Variants in LTBP1 observed in about 807,000 individuals in gnomAD.
LTBP1 encodes latent transforming growth factor beta binding protein 1, also known as latent-transforming growth factor beta-binding protein 1.
LTBP1 carries 129 observed loss-of-function variants against 207.6 expected under a neutral mutation model. That is an observed-to-expected ratio of 0.62 (90% CI 0.54 to 0.72). The LOEUF is 0.72. Ranked by LOEUF, LTBP1 falls within the 30% of genes least tolerant of loss-of-function variation. The pLI is 0.00. For missense variants in LTBP1, 2,281 were observed against 2,217.2 expected (o/e 1.03, Z -0.58); for synonymous variants, 963 against 833.7 (o/e 1.16, Z -2.67).
intron 26 of LTBP1, among the ~76,000 whole-genome samples, chr2:33,354,553 A>G (rs1388678056): frequency 2.0e-5 from 3 of 152,124 alleles, no homozygotes; most frequent in Non-Finnish European, 1.5e-5. Flanking sequence ...TTTTGGTATA[A>G]AAGCCAAACT....
intron 5 of LTBP1, 53 bp downstream of exon 5, chr2:33,135,013 T>G (rs887181806): frequency 6.0e-6 from 9 of 1,505,664 alleles, no homozygotes; most frequent in Non-Finnish European, 6.2e-6. Flanking sequence ...TTTTATGAGA[T>G]TGTAGCATTT....
At position 33,141,874 on chromosome 2, in the gene LTBP1, C is replaced by CA. The variant is rs200386865; in HGVS notation, c.1201+6917dup. ...ATCGACCTGCTTTGTATCAGGGAAT[C>CA]AAATTAATATCTGCAGATAAAGAGC... On this transcript the variant is annotated intron_variant, in intron 5 of 33. Transcript: ENST00000404816. 5.9e-4 allele frequency among the ~76,000 whole-genome samples: 90 copies of CA among 152,166 alleles called. 1 individual carries two copies. In the East Asian group the frequency reaches 0.015, roughly 25 times the overall value.
chr2:32,991,335 A>C (rs944712027), intron 2 of LTBP1, among the ~76,000 whole-genome samples: 12 of 152,238 alleles, frequency 7.9e-5, no homozygotes, highest in African/African-American at 2.9e-4. Context: ...ACTTGTAAAT[A>C]AACTGTCATG....
intron 31 of LTBP1, among the ~76,000 whole-genome samples, chr2:33,366,380 A>C (rs993408009): frequency 1.3e-5 from 2 of 152,254 alleles, no homozygotes; most frequent in African/African-American, 4.8e-5. Context: ...GAGGAAATGC[A>C]TTAATTTTTA....
intron 7 of LTBP1, among the ~76,000 whole-genome samples, chr2:33,201,659 A>G (rs903529456): frequency 1.3e-5 from 2 of 152,202 alleles, no homozygotes; most frequent in African/African-American, 2.4e-5. Flanking sequence ...AGAAAAAAAA[A>G]GAAACAAACT....
intron 3 of LTBP1, among the ~76,000 whole-genome samples, chr2:33,043,279 T>C (rs1393105854): frequency 6.6e-6 from 1 of 152,244 alleles, no homozygotes; most frequent in African/African-American, 2.4e-5. Context: ...TTTGATTCTC[T>C]TCCTGACATA....
chr2:33,342,615 A>G (rs2094642203), intron 24 of LTBP1, among the ~76,000 whole-genome samples: 1 of 152,206 alleles, frequency 6.6e-6, no homozygotes, highest in Non-Finnish European at 1.5e-5. Context: ...AAAAGTACTA[A>G]ATGTTTTTTT....
chr2:33,177,979 C>T (rs1572999674), intron 5 of LTBP1, among the ~76,000 whole-genome samples: 1 of 152,178 alleles, frequency 6.6e-6, no homozygotes, highest in East Asian at 1.9e-4. Context: ...CCTCTGTACC[C>T]CCTGCAAGTG....
At chr2:33,375,797 C>T (rs950285323) in intron 31 of LTBP1, among the ~76,000 whole-genome samples, 1 of 151,602 alleles carries the variant, frequency 6.6e-6, no homozygotes, top group Non-Finnish European at 1.5e-5. Context: ...CCGCCTCGGC[C>T]TCCCAAAGTG....
At chr2:33,389,335 A>G (rs781603789) in intron 32 of LTBP1, 29 bp downstream of exon 32, 4 of 1,612,872 alleles carry the variant, frequency 2.5e-6, no homozygotes, top group Non-Finnish European at 3.4e-6. Flanking sequence ...TTCCTTTGAT[A>G]CTAAGTTGTG....
At chr2:33,203,242 C>T (rs1021469923) in intron 7 of LTBP1, among the ~76,000 whole-genome samples, 11 of 152,130 alleles carry the variant, frequency 7.2e-5, no homozygotes, top group Non-Finnish European at 1.3e-4. Context: ...TTGACTTTCG[C>T]GCAGGGGCCC....
intron 5 of LTBP1, among the ~76,000 whole-genome samples, chr2:33,139,506 T>G (rs900517615): frequency 3.9e-5 from 6 of 152,136 alleles, no homozygotes; most frequent in African/African-American, 1.4e-4. Context: ...AGAAGGGAAA[T>G]ACCACTTCTA....
intron 3 of LTBP1, among the ~76,000 whole-genome samples, chr2:33,088,400 C>T (rs218176): frequency 0.46 from 69,485 of 151,742 alleles, 17,936 homozygotes; most frequent in East Asian, 0.64. Context: ...TGCGGTGAGC[C>T]GAGATCATGC....
rs1219527688 is a variant in LTBP1 at position 33,277,760 on chromosome 2, C to CTTTCTTTCTTT, written c.2992+1837_2992+1838insTTTCTTTCTTT. Among the ~76,000 whole-genome samples, 92 of 95,448 alleles carry CTTTCTTTCTTT rather than the reference C, an allele frequency of 9.6e-4. 1 individual carries two copies. The highest frequency in any genetic ancestry group is 1.6e-3 in the Non-Finnish European group (81 of 50,414). 62.6% of individuals were successfully genotyped at this position (95,448 alleles called of 152,430 possible). On this transcript the variant is annotated intron_variant, in intron 18 of 33. Transcript: ENST00000404816. ...GAAGTCAAATACTGATTTTTTTTTCCCTTTCTTTCTTTCTTTCTTTCTTTC... is the reference window on the plus strand; with the variant it reads ...GAAGTCAAATACTGATTTTTTTTTCCTTTCTTTCTTTCTTTCTTTCTTTCTTTCTTTCTTTC...
chr2:33,211,248 T>C (rs1182211253), intron 7 of LTBP1, among the ~76,000 whole-genome samples: 1 of 152,188 alleles, frequency 6.6e-6, no homozygotes, highest in Admixed American at 6.5e-5. Context: ...AATAAATGTG[T>C]CCTGAGAGTT....
chr2:33,189,752 G>A (rs973937193), intron 7 of LTBP1, among the ~76,000 whole-genome samples: 2 of 152,120 alleles, frequency 1.3e-5, no homozygotes, highest in African/African-American at 4.8e-5. Flanking sequence ...CAGGCCGGGT[G>A]CTGTGGCTCA....
rs539057938 is a variant in LTBP1 at position 33,115,038 on chromosome 2, A to G, written c.1033+4287A>G. 1.3e-3 allele frequency among the ~76,000 whole-genome samples: 37 copies of G among 28,864 alleles called. 1 individual carries two copies. In the South Asian group the frequency reaches 0.032, roughly 25 times the overall value. The allele number at this position is 28,864 out of a possible 152,430, so 18.9% of individuals were successfully genotyped here. On this transcript the variant is annotated intron_variant, in intron 4 of 33. Transcript: ENST00000404816. ...TGAAGGGATAAACAAACAGATATAT[A>G]CACACACACACACACACACACACAC...
intron 7 of LTBP1, among the ~76,000 whole-genome samples, chr2:33,211,576 G>GTCT (rs1443630564): frequency 6.6e-6 from 1 of 152,118 alleles, no homozygotes; most frequent in African/African-American, 2.4e-5. Flanking sequence ...CAAGTCTAAT[G>GTCT]ACTCCAGTCC....
At chr2:33,028,622 G>C (rs1229093172) in intron 3 of LTBP1, among the ~76,000 whole-genome samples, 3 of 152,152 alleles carry the variant, frequency 2.0e-5, no homozygotes, top group Non-Finnish European at 4.4e-5. Flanking sequence ...TAATCATCCT[G>C]GTCACCATCC....
Sources: allele counts gnomAD v4.1 joint callset (sites outside exome capture counted in the v4.1 genomes callset), GRCh38; gene constraint gnomAD v4.1.1; transcripts MANE v1.5; gene names NCBI Gene and HGNC (gene_info 2026-07-23, HGNC 2026-07-21).